The following GNAI1 variants were observed in gnomAD, a reference collection of about 807,000 sequenced individuals.
The protein encoded by GNAI1 is G protein subunit alpha i1, also known as guanine nucleotide-binding protein G(i) subunit alpha-1.
A neutral mutation model predicts 38.9 loss-of-function variants in GNAI1; 11 were observed. The observed-to-expected ratio is 0.28, with a 90% CI of 0.18 to 0.47. The LOEUF (loss-of-function observed/expected upper bound fraction) is 0.47, where lower values mean the gene tolerates loss of function less well. Among genes scored for constraint, GNAI1 ranks in the 20% least tolerant of loss-of-function variants. The probability of loss-of-function intolerance (pLI) is 0.99; values close to 1 mark genes in which losing one functional copy is unlikely to be tolerated. For synonymous variants in GNAI1, 166 were observed against 145.1 expected (o/e 1.14, Z -1.04); for missense variants, 317 against 436.9 (o/e 0.73, Z 2.45).
chr7:80,181,848 C>T (rs1027764886), intron 1 of GNAI1, among the ~76,000 whole-genome samples: 2 of 152,246 alleles, frequency 1.3e-5, no homozygotes, highest in South Asian at 2.1e-4. Flanking sequence ...GGCTAATTAA[C>T]GTATCCATCA....
At chr7:80,214,966 TTTGGTTGGTTGGGTTGGTCGGTTGG>T (rs1171067468) in intron 7 of GNAI1, among the ~76,000 whole-genome samples, 1 of 152,118 alleles carries the variant, frequency 6.6e-6, no homozygotes, top group Non-Finnish European at 1.5e-5. Context: ...TTTGTTGTTG[TTTGGTTGGTTGGGTTGGTCGGTTGG>T]TTGGTTGGTT....
chr7:80,169,438 A>G (rs1322720273), intron 1 of GNAI1, among the ~76,000 whole-genome samples: 2 of 152,182 alleles, frequency 1.3e-5, no homozygotes, highest in African/African-American at 4.8e-5. Flanking sequence ...CTTCTATTTT[A>G]TATAAAATCA....
At chr7:80,200,324 C>CAAAA (rs59511755) in intron 4 of GNAI1, among the ~76,000 whole-genome samples, 25,399 of 40,132 alleles carry the variant, frequency 0.63, 8,660 homozygotes, top group East Asian at 0.74. Context: ...GGCCATGTCT[C>CAAAA]AAAAAAAAAA....
Position 80,219,290 on chromosome 7 carries a change from G to A in GNAI1, c.*1797G>A, listed in dbSNP as rs1347504258. The A allele has an allele frequency of 1.3e-5, 2 of 152,390 alleles. No homozygotes were observed. The highest frequency in any genetic ancestry group is 2.9e-5 in the Non-Finnish European group (2 of 67,994). The allele number at this position is 152,390 out of a possible 1,614,324, so 9.4% of individuals were successfully genotyped here. On this transcript the variant is annotated 3_prime_UTR_variant, in exon 8 of 8. Transcript: ENST00000649796. ...AATAAATTTGAATCATGAGAATTATGGGTTAAAAAGCCACAAAGAAGCACA... is the reference window on the plus strand; with the variant it reads ...AATAAATTTGAATCATGAGAATTATAGGTTAAAAAGCCACAAAGAAGCACA...
Position 80,223,530 on chromosome 7 carries a change from AAAGTT to A in GNAI1, c.*6042_*6046del, listed in dbSNP as rs1256181519. On this transcript the variant is annotated 3_prime_UTR_variant, in exon 8 of 8. Transcript: ENST00000649796. ...TCCTTCACTTTTGAAAATCAAGAGT[AAAGTT>A]AAGTCAAAGCTACTTCTAAACAGCT... is the stretch of plus-strand genomic sequence containing the variant. 5.9e-5 allele frequency among the ~76,000 whole-genome samples: 9 copies of A among 152,218 alleles called. No individual in the cohort carries two copies. Among genetic ancestry groups the A allele is most frequent in the South Asian group, 2.1e-4 (1 of 4,830 alleles).
At chr7:80,152,963 A>G (rs1787754443) in intron 1 of GNAI1, among the ~76,000 whole-genome samples, 1 of 152,232 alleles carries the variant, frequency 6.6e-6, no homozygotes, top group South Asian at 2.1e-4. Context: ...ACCTGAGGCA[A>G]TTAAATATCC....
intron 1 of GNAI1, among the ~76,000 whole-genome samples, chr7:80,175,553 CTTTTT>C (rs564032256): frequency 7.6e-6 from 1 of 132,168 alleles, no homozygotes; most frequent in Non-Finnish European, 1.6e-5. Flanking sequence ...CAGATACTGC[CTTTTT>C]TTTTTTTTTT....
intron 1 of GNAI1, among the ~76,000 whole-genome samples, chr7:80,149,101 ATTTCT>A (rs1313067242): frequency 6.6e-6 from 1 of 152,098 alleles, no homozygotes; most frequent in Non-Finnish European, 1.5e-5. Context: ...ATTTGAGTAA[ATTTCT>A]TTTCTCGATG....
chr7:80,173,560 C>G (rs1437502300), intron 1 of GNAI1, among the ~76,000 whole-genome samples: 1 of 152,114 alleles, frequency 6.6e-6, no homozygotes, highest in African/African-American at 2.4e-5. Context: ...TTGCCATGCT[C>G]CCCTTCTGCT....
intron 3 of GNAI1, among the ~76,000 whole-genome samples, chr7:80,198,178 T>A (rs1788615126): frequency 1.3e-5 from 2 of 152,034 alleles, no homozygotes; most frequent in South Asian, 4.1e-4. Flanking sequence ...CCTTAAAATG[T>A]ATCTACTTTG....
intron 1 of GNAI1, among the ~76,000 whole-genome samples, chr7:80,172,134 G>T (rs959864147): frequency 6.6e-6 from 1 of 152,160 alleles, no homozygotes; most frequent in Non-Finnish European, 1.5e-5. Context: ...TCTTAACGTT[G>T]TCCTGGCTAT....
intron 3 of GNAI1, among the ~76,000 whole-genome samples, chr7:80,196,989 C>G (rs1178468904): frequency 6.6e-6 from 1 of 151,864 alleles, no homozygotes; most frequent in African/African-American, 2.4e-5. Context: ...TAGCTACAGT[C>G]CTCATATTGT....
At chr7:80,195,673 A>G (rs1475112277) in intron 3 of GNAI1, among the ~76,000 whole-genome samples, 1 of 151,890 alleles carries the variant, frequency 6.6e-6, no homozygotes, top group East Asian at 1.9e-4. Context: ...ATAACACTCC[A>G]TTACCATATT....
At chr7:80,211,442 G>A (rs554997894) in intron 6 of GNAI1, among the ~76,000 whole-genome samples, 9 of 142,316 alleles carry the variant, frequency 6.3e-5, no homozygotes, top group East Asian at 2.0e-4. Context: ...TTTTTGAGAC[G>A]GAGTCTCGCC....
At chr7:80,212,925 C>T in intron 7 of GNAI1, 56 bp downstream of exon 7, 1 of 1,133,892 alleles carries the variant, frequency 8.8e-7, no homozygotes. Context: ...AGTGAAACTT[C>T]CCCTAAGGCA....
chr7:80,160,430 G>A (rs1473853764), intron 1 of GNAI1, among the ~76,000 whole-genome samples: 1 of 151,814 alleles, frequency 6.6e-6, no homozygotes, highest in Non-Finnish European at 1.5e-5. Flanking sequence ...TTAGGCAGGT[G>A]GCTTCCATAT....
intron 1 of GNAI1, among the ~76,000 whole-genome samples, chr7:80,173,136 C>T (rs954697154): frequency 2.0e-5 from 3 of 152,144 alleles, no homozygotes; most frequent in African/African-American, 7.2e-5. Flanking sequence ...AGGACACCTC[C>T]TCCACTTCCC....
rs1025092478 is a variant in GNAI1, at chr7:80,220,220, C to T, written c.*2727C>T. Among the ~76,000 whole-genome samples the T allele has an allele frequency of 7.1e-6, 1 of 140,710 alleles. No individual in the cohort carries two copies. The highest frequency in any genetic ancestry group is 1.5e-5 in the Non-Finnish European group (1 of 65,952). The allele number at this position is 140,710 out of a possible 152,430, so 92.3% of individuals were successfully genotyped here. On this transcript the variant is annotated 3_prime_UTR_variant, in exon 8 of 8. Coordinates refer to ENST00000649796, the MANE Select transcript of GNAI1 (RefSeq NM_002069.6). ...TGTCCTGTGCATAACCTGGGCTTTC[C>T]TCCAAGTACTGTATTACTTACTACA...
intron 5 of GNAI1, among the ~76,000 whole-genome samples, chr7:80,204,672 A>G (rs554566881): frequency 2.0e-4 from 31 of 152,202 alleles, no homozygotes; most frequent in African/African-American, 7.2e-4. Context: ...CATTACCATG[A>G]CTTTCTTCTT....
Sources: gnomAD v4.1 joint callset for allele counts (sites outside exome capture counted in the v4.1 genomes callset) on GRCh38, gnomAD v4.1.1 for gene constraint, MANE v1.5 for transcripts, NCBI Gene and HGNC (gene_info 2026-07-23, HGNC 2026-07-21) for gene names.